PARVB: variants seen among roughly 807,000 people sequenced by gnomAD.
The protein encoded by PARVB is parvin beta, also known as beta-parvin.
Under a neutral mutation model 47.0 loss-of-function variants are expected in PARVB, and 46 were observed. The ratio of observed to expected loss-of-function variants is 0.98; its 90% CI spans 0.77 to 1.25. The LOEUF is 1.25. Ranked by LOEUF, PARVB falls within the 50% of genes most tolerant of loss-of-function variation. The probability of loss-of-function intolerance (pLI) is 0.00; values close to 1 mark genes in which losing one functional copy is unlikely to be tolerated. For synonymous variants in PARVB, 196 were observed against 196.3 expected (o/e 1.00, Z 0.01); for missense variants, 473 against 471.6 (o/e 1.00, Z -0.03).
intron 10 of PARVB, 142 bp from the exon 11 acceptor site, chr22:44,157,840 C>G: frequency 1.7e-6 from 1 of 605,168 alleles, no homozygotes; most frequent in East Asian, 3.0e-5. Context: ...CTGCAGTGAG[C>G]CTTGATTGCA....
At chr22:44,035,205 T>C (rs919802931) in intron 1 of PARVB, among the ~76,000 whole-genome samples, 1 of 152,194 alleles carries the variant, frequency 6.6e-6, no homozygotes, top group Non-Finnish European at 1.5e-5. Flanking sequence ...TATGCATTTA[T>C]AGTACTGTGC....
chr22:44,030,060 A>C (rs2050798035), intron 1 of PARVB, among the ~76,000 whole-genome samples: 1 of 152,262 alleles, frequency 6.6e-6, no homozygotes, highest in African/African-American at 2.4e-5. Flanking sequence ...CCTTCAGGGC[A>C]TCCATCTTTT....
chr22:44,034,102 A>C (rs935744822), intron 1 of PARVB, among the ~76,000 whole-genome samples: 1 of 151,028 alleles, frequency 6.6e-6, no homozygotes, highest in African/African-American at 2.4e-5. Flanking sequence ...CATACAAATA[A>C]AAATATATAA....
intron 2 of PARVB, among the ~76,000 whole-genome samples, chr22:44,012,729 A>G (rs1220723093): frequency 1.5e-5 from 2 of 129,296 alleles, no homozygotes; most frequent in African/African-American, 5.7e-5. Context: ...TGAACAACAC[A>G]AGAAGACATT....
intron 8 of PARVB, chr22:44,147,448 C>T (rs2053708919): frequency 8.4e-6 from 3 of 355,512 alleles, no homozygotes; most frequent in African/African-American, 2.1e-5. Context: ...CAGGACATGG[C>T]CACCGTCGCG....
Position 44,159,379 on chromosome 22 carries a change from C to G in PARVB, c.945+1296C>G, listed in dbSNP as rs543350832. The stretch of plus-strand genomic sequence containing the variant: ...ATGTCAGAGGCATCATCTCCTGGGC[C>G]CTGGCCTTCTTCCCTTTGAAACTGG... On this transcript the variant is annotated intron_variant, in intron 11 of 12. Coordinates refer to ENST00000338758, the MANE Select transcript of PARVB (RefSeq NM_013327.5). 9.8e-5 allele frequency among the ~76,000 whole-genome samples: 15 copies of G among 152,324 alleles called. 1 individual carries two copies. The South Asian group carries it at 3.1e-3, about 32-fold the overall frequency.
intron 12 of PARVB, among the ~76,000 whole-genome samples, chr22:44,164,268 C>T (rs1460289139): frequency 1.3e-5 from 2 of 152,220 alleles, no homozygotes; most frequent in Admixed American, 1.3e-4. Flanking sequence ...AAGGCTTACT[C>T]AACTGTAATG....
At chr22:44,111,713 G>A (rs1320675486) in intron 3 of PARVB, 1 of 151,910 alleles carries the variant, frequency 6.6e-6, no homozygotes, top group African/African-American at 2.4e-5. Flanking sequence ...CTCCCAAAGT[G>A]CTAGGATTGC....
At chr22:44,090,052 C>G (rs991446027) in intron 1 of PARVB, among the ~76,000 whole-genome samples, 4 of 152,200 alleles carry the variant, frequency 2.6e-5, no homozygotes, top group Non-Finnish European at 5.9e-5. Context: ...CTCCCACTTG[C>G]AGGGAGTAGT....
In PARVB at chr22:44,049,460, GA is replaced by G. The variant is rs370376591; in HGVS notation, c.112+25010del. ...TTTAGCTCTTGTCTGATTAAATTTG[GA>G]TTTGCTCCACTCTTTTTCACGGGCA... On this transcript the variant is annotated intron_variant, in intron 1 of 12. Transcript: ENST00000338758. The surrounding 1 kb of genome is among the most constrained non-coding windows in gnomAD (Gnocchi z 4.0). 6.6e-5 allele frequency among the ~76,000 whole-genome samples: 10 copies of G among 152,304 alleles called. No homozygotes were observed. The South Asian group carries it at 2.1e-3, about 32-fold the overall frequency.
At chr22:44,012,103 G>A (rs186112865) in intron 2 of PARVB, among the ~76,000 whole-genome samples, 1 of 152,272 alleles carries the variant, frequency 6.6e-6, no homozygotes, top group South Asian at 2.1e-4. Flanking sequence ...TTTTTTTAAA[G>A]GGGGCATAAT....
chr22:44,122,572 G>GAGAGAGAGAGAGAGACACAGAGAC (rs2053089809), intron 4 of PARVB, among the ~76,000 whole-genome samples: 18 of 107,364 alleles, frequency 1.7e-4, no homozygotes, highest in African/African-American at 7.0e-4. Flanking sequence ...CAGAGAGAGA[G>GAGAGAGAGAGAGAGACACAGAGAC]AGAGAGAGAG....
At chr22:44,021,759 T>TCTCACACA (rs1451436897), upstream of PARVB, among the ~76,000 whole-genome samples, 4 of 102,694 alleles carry the variant, frequency 3.9e-5, no homozygotes, top group Non-Finnish European at 6.1e-5. Flanking sequence ...AAGTCTAGAC[T>TCTCACACA]CACACACACA....
At chr22:44,055,052 A>G (rs1360646850) in intron 1 of PARVB, among the ~76,000 whole-genome samples, 4 of 151,138 alleles carry the variant, frequency 2.6e-5, no homozygotes. Context: ...TGTTAAATGT[A>G]CCTTACTACA....
chr22:44,073,824 G>A (rs569888784), intron 1 of PARVB, among the ~76,000 whole-genome samples: 2 of 152,386 alleles, frequency 1.3e-5, no homozygotes, highest in East Asian at 3.9e-4. Context: ...CACTGGGTCT[G>A]TGGTGGGCTC....
intron 1 of PARVB, among the ~76,000 whole-genome samples, chr22:44,042,884 T>C (rs572410138): frequency 1.3e-5 from 2 of 152,342 alleles, no homozygotes; most frequent in Admixed American, 1.3e-4. Flanking sequence ...ATATCCTTTT[T>C]GTAAATACTT....
intron 1 of PARVB, among the ~76,000 whole-genome samples, chr22:44,082,217 A>T (rs2051918748): frequency 6.6e-6 from 1 of 152,170 alleles, no homozygotes; most frequent in Non-Finnish European, 1.5e-5. Context: ...TGGCAATTGA[A>T]GGGAGGAATT....
intron 2 of PARVB, among the ~76,000 whole-genome samples, chr22:44,012,576 C>A (rs903420758): frequency 6.6e-6 from 1 of 152,188 alleles, no homozygotes; most frequent in African/African-American, 2.4e-5. Flanking sequence ...TGCTTGAAAA[C>A]CCTACCCCAA....
intron 1 of PARVB, among the ~76,000 whole-genome samples, chr22:44,058,968 A>G (rs546375659): frequency 1.5e-5 from 2 of 135,922 alleles, no homozygotes; most frequent in South Asian, 2.4e-4. Context: ...ACTTTCATAG[A>G]TGAGGGTGTG....
Sources: allele counts gnomAD v4.1 joint callset (sites outside exome capture counted in the v4.1 genomes callset), GRCh38; gene constraint gnomAD v4.1.1; non-coding constraint Gnocchi (gnomAD v3.1); transcripts MANE v1.5; gene names NCBI Gene and HGNC (gene_info 2026-07-23, HGNC 2026-07-21).